The following LHFPL3 variants were observed in gnomAD, a reference collection of about 807,000 sequenced individuals.
LHFPL3 encodes the protein LHFPL tetraspan subfamily member 3, also known as LHFPL tetraspan subfamily member 3 protein.
Under a neutral mutation model 19.3 loss-of-function variants are expected in LHFPL3, and 5 were observed. The ratio of observed to expected loss-of-function variants is 0.26; its 90% confidence interval spans 0.14 to 0.54. The LOEUF (loss-of-function observed/expected upper bound fraction) is 0.54. Ranked by LOEUF, LHFPL3 falls within the 20% of genes least tolerant of loss-of-function variation. The pLI is 0.94. For synonymous variants in LHFPL3, 133 were observed against 126.2 expected (o/e 1.05, Z -0.36); for missense variants, 249 against 307.4 (o/e 0.81, Z 1.42).
intron 1 of LHFPL3, among the ~76,000 whole-genome samples, chr7:104,623,837 A>G (rs779183376): frequency 1.4e-4 from 21 of 152,174 alleles, no homozygotes; most frequent in Non-Finnish European, 2.5e-4. Flanking sequence ...TGGACCTTCC[A>G]GATATTCCAG....
chr7:104,869,804 C>A (rs371958516), intron 2 of LHFPL3, among the ~76,000 whole-genome samples: 64 of 152,042 alleles, frequency 4.2e-4, no homozygotes, highest in Non-Finnish European at 7.5e-4. Context: ...ATGTTTATTG[C>A]GGCACTATTC....
chr7:104,389,684 A>ATT (rs1791022606), intron 1 of LHFPL3, among the ~76,000 whole-genome samples: 1 of 152,204 alleles, frequency 6.6e-6, no homozygotes. Context: ...AAGGAATAGG[A>ATT]TTGAGAGTCC....
chr7:104,860,826 A>C (rs1344299516), intron 2 of LHFPL3, among the ~76,000 whole-genome samples: 1 of 152,240 alleles, frequency 6.6e-6, no homozygotes, highest in African/African-American at 2.4e-5. Flanking sequence ...ATTTAAGCTT[A>C]TATCTCCTGT....
chr7:104,848,900 G>GTTT (rs529645748), intron 2 of LHFPL3, among the ~76,000 whole-genome samples: 76 of 149,338 alleles, frequency 5.1e-4, no homozygotes, highest in Middle Eastern at 3.5e-3. Flanking sequence ...TGTTTTTTTG[G>GTTT]TTTTTTTTTT....
chr7:104,710,070 C>T (rs889002209), intron 1 of LHFPL3, among the ~76,000 whole-genome samples: 3 of 152,212 alleles, frequency 2.0e-5, no homozygotes, highest in Admixed American at 6.5e-5. Context: ...TCTGCAATCC[C>T]GGCACCTCGG....
At chr7:104,651,615 T>C (rs373200603) in intron 1 of LHFPL3, among the ~76,000 whole-genome samples, 1 of 152,240 alleles carries the variant, frequency 6.6e-6, no homozygotes, top group Non-Finnish European at 1.5e-5. Context: ...ATCATAATTG[T>C]TTATAAAAGC....
intron 2 of LHFPL3, among the ~76,000 whole-genome samples, chr7:104,783,813 A>G (rs1226979449): frequency 2.0e-5 from 3 of 152,174 alleles, no homozygotes; most frequent in Non-Finnish European, 2.9e-5. Context: ...TTAGTATGCT[A>G]TGTTTACTGG....
chr7:104,560,301 A>C (rs1367672296), intron 1 of LHFPL3, among the ~76,000 whole-genome samples: 31 of 118,128 alleles, frequency 2.6e-4, no homozygotes, highest in Admixed American at 4.2e-4. Flanking sequence ...CTGTGAATCC[A>C]TCTGGTCCTG....
intron 1 of LHFPL3, among the ~76,000 whole-genome samples, chr7:104,656,606 C>G (rs1792126792): frequency 1.3e-5 from 2 of 152,118 alleles, no homozygotes; most frequent in Non-Finnish European, 1.5e-5. Context: ...AAAAGGGTGG[C>G]CCTTTGAAAA....
chr7:104,863,197 G>C (rs1419888867), intron 2 of LHFPL3, among the ~76,000 whole-genome samples: 2 of 152,080 alleles, frequency 1.3e-5, no homozygotes, highest in African/African-American at 4.8e-5. Context: ...ATCTCCATTT[G>C]ACTTATCTCT....
At chr7:104,666,769 G>T (rs909765637) in intron 1 of LHFPL3, among the ~76,000 whole-genome samples, 2 of 151,684 alleles carry the variant, frequency 1.3e-5, no homozygotes. Flanking sequence ...TGATCCGCCC[G>T]CCTCGGCCTC....
intron 1 of LHFPL3, among the ~76,000 whole-genome samples, chr7:104,393,349 A>G (rs138591842): frequency 2.3e-4 from 35 of 152,244 alleles, no homozygotes; most frequent in African/African-American, 8.4e-4. Context: ...CATATCACAC[A>G]AAAACATATG....
intron 2 of LHFPL3, among the ~76,000 whole-genome samples, chr7:104,786,295 A>T (rs1244000235): frequency 6.6e-6 from 1 of 152,216 alleles, no homozygotes; most frequent in African/African-American, 2.4e-5. Flanking sequence ...AATATTTAGA[A>T]TTATAATCTT....
chr7:104,788,867 T>C (rs929519146), intron 2 of LHFPL3, among the ~76,000 whole-genome samples: 1 of 152,034 alleles, frequency 6.6e-6, no homozygotes, highest in African/African-American at 2.4e-5. Context: ...TAAACAAGAG[T>C]TGTGGTCTAA....
At chr7:104,795,519 A>G (rs1419709490) in intron 2 of LHFPL3, among the ~76,000 whole-genome samples, 1 of 152,222 alleles carries the variant, frequency 6.6e-6, no homozygotes, top group Non-Finnish European at 1.5e-5. Flanking sequence ...AAAATGAGCC[A>G]GAGAGAAGGA....
intron 1 of LHFPL3, among the ~76,000 whole-genome samples, chr7:104,462,555 T>C (rs879078959): frequency 2.0e-5 from 3 of 152,248 alleles, no homozygotes; most frequent in African/African-American, 4.8e-5. Flanking sequence ...ATTTGCGTTA[T>C]GTTGAACCAA....
intron 1 of LHFPL3, among the ~76,000 whole-genome samples, chr7:104,395,790 C>T (rs1404236597): frequency 6.6e-6 from 1 of 152,200 alleles, no homozygotes; most frequent in African/African-American, 2.4e-5. Context: ...GACTAAGTCA[C>T]AATGCTATTT....
At chr7:104,514,989 A>G (rs1480387515) in intron 1 of LHFPL3, among the ~76,000 whole-genome samples, 1 of 152,186 alleles carries the variant, frequency 6.6e-6, no homozygotes, top group Non-Finnish European at 1.5e-5. Context: ...GAACAAACAC[A>G]AAGTCAAAGA....
At chr7:104,335,876 CAGAAG>C in intron 1 of LHFPL3, among the ~76,000 whole-genome samples, 1 of 131,886 alleles carries the variant, frequency 7.6e-6, no homozygotes, top group African/African-American at 2.8e-5. Context: ...AAAAAAGAAA[CAGAAG>C]AGCATATAGC....
Sources: gnomAD v4.1 joint callset for allele counts (sites outside exome capture counted in the v4.1 genomes callset) on GRCh38, gnomAD v4.1.1 for gene constraint, MANE v1.5 for transcripts, NCBI Gene and HGNC (gene_info 2026-07-23, HGNC 2026-07-21) for gene names.